The following VPS13C variants were observed in gnomAD, a reference collection of about 807,000 sequenced individuals.
The protein encoded by VPS13C is vacuolar protein sorting 13 homolog C.
Under a neutral mutation model 456.8 loss-of-function variants are expected in VPS13C, and 358 were observed. That is an observed-to-expected ratio of 0.78 (90% CI 0.72 to 0.86). VPS13C has a LOEUF of 0.86. VPS13C is among the 40% of genes least tolerant of loss of function. VPS13C has a pLI of 0.00. For synonymous variants in VPS13C, 1,578 were observed against 1,486.7 expected, an observed-to-expected ratio of 1.06 and a Z score of -1.41; for missense variants, 4,818 against 4,385.4, an observed-to-expected ratio of 1.10 and a Z score of -2.79.
chr15:61,890,039 G>A (rs2042603232), intron 67 of VPS13C, 126 bp downstream of exon 67: 1 of 801,742 alleles, frequency 1.2e-6, no homozygotes, highest in South Asian at 1.8e-5. Flanking sequence ...TATTCAGTAA[G>A]CTTTACTGAA....
chr15:62,036,161 T>C (rs970076537), intron 3 of VPS13C, among the ~76,000 whole-genome samples: 3 of 152,070 alleles, frequency 2.0e-5, no homozygotes, highest in Non-Finnish European at 4.4e-5. Context: ...TTAAAATCTA[T>C]AGGTCTCTCA....
At chr15:61,930,259 C>T (rs1359533355) in intron 50 of VPS13C, among the ~76,000 whole-genome samples, 2 of 152,152 alleles carry the variant, frequency 1.3e-5, no homozygotes, top group East Asian at 3.8e-4. Flanking sequence ...AACTATAGTT[C>T]CCCTACGTCC....
intron 65 of VPS13C, among the ~76,000 whole-genome samples, chr15:61,907,980 T>C (rs936891506): frequency 4.6e-5 from 7 of 152,164 alleles, no homozygotes; most frequent in African/African-American, 1.7e-4. Flanking sequence ...AAAAAAATTA[T>C]GTTCACACTG....
chr15:61,876,093 C>T (rs12902092), intron 75 of VPS13C, among the ~76,000 whole-genome samples: 85,661 of 151,800 alleles, frequency 0.56, 24,365 homozygotes, highest in Admixed American at 0.63. Context: ...TTATGTGACC[C>T]TGTGCAAGTC....
At chr15:62,006,658 T>C (rs978059989) in intron 15 of VPS13C, among the ~76,000 whole-genome samples, 4 of 152,216 alleles carry the variant, frequency 2.6e-5, no homozygotes, top group Non-Finnish European at 4.4e-5. Context: ...TTTCTAGTTC[T>C]GGATCCCTGA....
intron 81 of VPS13C, among the ~76,000 whole-genome samples, chr15:61,868,362 A>G (rs1358926384): frequency 6.6e-6 from 1 of 152,168 alleles, no homozygotes; most frequent in Non-Finnish European, 1.5e-5. Context: ...AAAGCAGGAA[A>G]ACAAAATTAA....
intron 1 of VPS13C, among the ~76,000 whole-genome samples, chr15:62,059,351 T>C (rs2048911476): frequency 6.6e-6 from 1 of 152,192 alleles, no homozygotes. Context: ...GATCCATACA[T>C]TTGAGTCGTT....
Position 61,911,865 on chromosome 15 carries a change from T to G in VPS13C, c.8690A>C (p.Lys2897Thr). The change falls in exon 63 of 85, where the codon AAA becomes ACA. Residue 2897 changes from lysine (K) to threonine (T), a missense_variant. Around this residue, in one of 3 missense-constraint regions of VPS13C, gnomAD observed 4,552 missense variants for 4,130.6 expected, o/e 1.10. Coordinates refer to ENST00000644861, the MANE Select transcript of VPS13C (RefSeq NM_020821.3). The part of the protein sequence containing the change: ...IASDGSMPTN[K>T]WNYIASSECL... The stretch of plus-strand genomic sequence containing the variant: ...CTCTGAAGAAGCAATATAGTTCCAT[T>G]TATTAGTTGGCATTGAGCCATCAGA... The G allele has an allele frequency of 6.2e-7, 1 of 1,611,304 alleles. No homozygotes were observed. Among genetic ancestry groups the G allele is most frequent in the East Asian group, 2.2e-5 (1 of 44,756 alleles).
intron 9 of VPS13C, among the ~76,000 whole-genome samples, chr15:62,016,827 G>C (rs557002690): frequency 8.5e-5 from 13 of 152,184 alleles, no homozygotes; most frequent in South Asian, 4.1e-4. Flanking sequence ...TCTAGTTCTA[G>C]ATCCCTGAGG....
At chr15:61,907,237 A>C in intron 66 of VPS13C, 27 bp downstream of exon 66, 1 of 1,613,008 alleles carries the variant, frequency 6.2e-7, no homozygotes, top group South Asian at 1.1e-5. Flanking sequence ...GGTAACTCAT[A>C]TAGCACTCAT....
At chr15:61,910,511 T>C (rs911427160) in intron 63 of VPS13C, among the ~76,000 whole-genome samples, 3 of 152,128 alleles carry the variant, frequency 2.0e-5, no homozygotes, top group Non-Finnish European at 4.4e-5. Flanking sequence ...AGAATACAGA[T>C]ATATTAGTCT....
rs956530930 is a variant in VPS13C at position 61,996,994 on chromosome 15, C to CATATATATATATATATATAT, written c.1353+3569_1353+3570insATATATATATATATATATAT. On this transcript the variant is annotated intron_variant, in intron 16 of 84. Coordinates refer to ENST00000644861, the MANE Select transcript of VPS13C (RefSeq NM_020821.3). Reference sequence around the variant, plus strand: ...CATCCTTGCCTATATATTTTACATACATACATATATATATATATGTATAGA... The same window carrying CATATATATATATATATATAT: ...CATCCTTGCCTATATATTTTACATACATATATATATATATATATATATACATATATATATATATGTATAGA... 1.9e-3 allele frequency among the ~76,000 whole-genome samples: 270 copies of CATATATATATATATATATAT among 142,344 alleles called. 2 individuals carry two copies. The highest frequency in any genetic ancestry group is 7.3e-3 in the African/African-American group (262 of 36,020). 93.4% of individuals were successfully genotyped at this position (142,344 alleles called of 152,430 possible). A position where few individuals can be genotyped will look rare whatever the true frequency, so the allele number is the denominator to read the frequency against.
chr15:61,859,177 C>T (rs370661142), intron 82 of VPS13C, among the ~76,000 whole-genome samples: 38 of 152,146 alleles, frequency 2.5e-4, no homozygotes, highest in African/African-American at 8.9e-4. Flanking sequence ...GAAGACCAGC[C>T]TGGGCAACAT....
At chr15:61,902,188 C>G (rs2043020353) in intron 66 of VPS13C, among the ~76,000 whole-genome samples, 2 of 150,704 alleles carry the variant, frequency 1.3e-5, no homozygotes, top group African/African-American at 4.9e-5. Flanking sequence ...GTGCAGCGCA[C>G]CAGCATGGCA....
intron 8 of VPS13C, among the ~76,000 whole-genome samples, chr15:62,023,163 A>G (rs1049261045): frequency 2.0e-5 from 3 of 151,964 alleles, no homozygotes. Flanking sequence ...TTCAAAAAAA[A>G]TAACAGAAGA....
chr15:62,034,880 T>A, intron 4 of VPS13C, 77 bp downstream of exon 4: 1 of 964,348 alleles, frequency 1.0e-6, no homozygotes, highest in Non-Finnish European at 1.6e-6. Context: ...TAAATAAATG[T>A]ATTAAAATAC....
chr15:62,017,336 T>A (rs1449061633), intron 9 of VPS13C, among the ~76,000 whole-genome samples: 2 of 152,258 alleles, frequency 1.3e-5, no homozygotes, highest in African/African-American at 2.4e-5. Context: ...TTGCTTTTGG[T>A]GTTTTAGACA....
intron 6 of VPS13C, among the ~76,000 whole-genome samples, chr15:62,026,050 T>C (rs2047624437): frequency 1.2e-5 from 1 of 82,838 alleles, no homozygotes; most frequent in South Asian, 3.8e-4. Flanking sequence ...CATATCTGCT[T>C]CTGCCTTCAA....
In VPS13C at chr15:62,002,928, G is replaced by T. The variant is rs554113569; in HGVS notation, c.1291-2302C>A. On this transcript the variant is annotated intron_variant, in intron 15 of 84. Transcript: ENST00000644861. Reference sequence around the variant, plus strand: ...TGCTGTTTTGGTTACTGTAGCCTTGGAGTATAGTTTGAAGTCAGGTAGTGT... The same window carrying T: ...TGCTGTTTTGGTTACTGTAGCCTTGTAGTATAGTTTGAAGTCAGGTAGTGT... Among the ~76,000 whole-genome samples, 29 of 152,190 alleles carry T rather than the reference G, an allele frequency of 1.9e-4. No homozygotes were observed. The East Asian group carries it at 2.9e-3, about 15-fold the overall frequency.
Sources: gnomAD v4.1 joint callset for allele counts (sites outside exome capture counted in the v4.1 genomes callset) on GRCh38, gnomAD v4.1.1 for gene constraint, gnomAD v4.1.1 regional missense constraint, MANE v1.5 for transcripts, NCBI Gene and HGNC (gene_info 2026-07-23, HGNC 2026-07-21) for gene names.